GPC5: variants seen among roughly 807,000 people sequenced by gnomAD.
GPC5 encodes the protein glypican-5.
GPC5 carries 47 observed loss-of-function variants against 53.9 expected under a neutral mutation model. The ratio of observed to expected loss-of-function variants is 0.87; its 90% CI spans 0.69 to 1.11. The LOEUF is 1.11. Among genes scored for constraint, GPC5 ranks in the 50% most tolerant of loss-of-function variants. The pLI, the probability that GPC5 is intolerant of heterozygous loss-of-function variation, is 0.00. For synonymous variants in GPC5, 286 were observed against 263.3 expected (o/e 1.09, Z -0.84); for missense variants, 748 against 713.1 (o/e 1.05, Z -0.56).
At chr13:91,866,622 A>T (rs991498388) in intron 5 of GPC5, among the ~76,000 whole-genome samples, 2 of 152,168 alleles carry the variant, frequency 1.3e-5, no homozygotes, top group African/African-American at 4.8e-5. Context: ...AGCAGATACT[A>T]GTGCCATATT....
chr13:91,542,619 C>A (rs1289968148), intron 2 of GPC5, among the ~76,000 whole-genome samples: 1 of 152,158 alleles, frequency 6.6e-6, no homozygotes, highest in African/African-American at 2.4e-5. Flanking sequence ...GTCCTTGCAT[C>A]CCTCCTTAGG....
At chr13:92,209,065 A>G (rs1474247662) in intron 7 of GPC5, among the ~76,000 whole-genome samples, 2 of 152,238 alleles carry the variant, frequency 1.3e-5, no homozygotes, top group Admixed American at 6.5e-5. Context: ...TCAAATTAAC[A>G]TAGCAGAGAA....
intron 7 of GPC5, among the ~76,000 whole-genome samples, chr13:92,775,841 C>T (rs1228818453): frequency 1.3e-5 from 2 of 152,182 alleles, no homozygotes; most frequent in African/African-American, 4.8e-5. Context: ...ATAAATCATA[C>T]AGCCTGTTGT....
At chr13:92,753,997 C>T (rs1041182943) in intron 7 of GPC5, among the ~76,000 whole-genome samples, 16 of 147,474 alleles carry the variant, frequency 1.1e-4, no homozygotes, top group Non-Finnish European at 2.4e-4. Context: ...AGATACTCCT[C>T]AAGAAGAGCA....
chr13:91,398,865 T>A lies in GPC5; in HGVS notation c.-182T>A. 1 of 635,634 alleles carries A rather than the reference T, an allele frequency of 1.6e-6. No individual in the cohort carries two copies. Among genetic ancestry groups the A allele is most frequent in the Non-Finnish European group, 2.6e-6 (1 of 386,072 alleles). The allele number at this position is 635,634 out of a possible 1,614,324, so 39.4% of individuals were successfully genotyped here. On this transcript the variant is annotated 5_prime_UTR_variant, in exon 1 of 8. Transcript: ENST00000377067. ...AACTCTGGTGTCTCAGCTTAGGGCC[T>A]CCTCCGGGAAGAGCTAACTGCTCCC...
intron 7 of GPC5, among the ~76,000 whole-genome samples, chr13:92,300,251 C>T (rs1274053146): frequency 6.6e-6 from 1 of 152,042 alleles, no homozygotes; most frequent in Non-Finnish European, 1.5e-5. Flanking sequence ...AAACACACTG[C>T]ACCAATTTCT....
At chr13:92,860,670 A>G (rs1326108) in intron 7 of GPC5, among the ~76,000 whole-genome samples, 91,370 of 151,840 alleles carry the variant, frequency 0.6, 28,635 homozygotes, top group East Asian at 0.79. Flanking sequence ...TAACAGTTTA[A>G]ATTTAACATA....
chr13:91,524,229 G>A (rs76051298), intron 2 of GPC5, among the ~76,000 whole-genome samples: 1 of 152,048 alleles, frequency 6.6e-6, no homozygotes, highest in Non-Finnish European at 1.5e-5. Context: ...GTAGAGCTGG[G>A]ATTAGAACCT....
At chr13:91,594,178 C>T (rs773304090) in intron 2 of GPC5, among the ~76,000 whole-genome samples, 1 of 152,052 alleles carries the variant, frequency 6.6e-6, no homozygotes, top group Non-Finnish European at 1.5e-5. Flanking sequence ...AATGTTATGT[C>T]ATTTTATTAT....
chr13:92,850,381 CTT>C (rs1175339111), intron 7 of GPC5, among the ~76,000 whole-genome samples: 5 of 152,276 alleles, frequency 3.3e-5, no homozygotes, highest in African/African-American at 1.2e-4. Flanking sequence ...AGGCGAATGA[CTT>C]GAGGTCAGGA....
At chr13:91,740,939 A>C (rs78855351) in intron 4 of GPC5, among the ~76,000 whole-genome samples, 232 of 152,294 alleles carry the variant, frequency 1.5e-3, no homozygotes, top group Non-Finnish European at 2.5e-3. Flanking sequence ...GTAGGTAATT[A>C]GGAAAACCCC....
chr13:91,795,756 C>T (rs1177140560), intron 5 of GPC5, among the ~76,000 whole-genome samples: 4 of 152,076 alleles, frequency 2.6e-5, no homozygotes, highest in Non-Finnish European at 5.9e-5. Flanking sequence ...GTTGAACACT[C>T]ACCCCTCCTT....
rs1320089612 is a variant in GPC5, at chr13:91,506,505, C to T, written c.325+57583C>T. Among the ~76,000 whole-genome samples, 4 of 151,976 alleles carry T rather than the reference C, an allele frequency of 2.6e-5. No individual in the cohort carries two copies. In the South Asian group the frequency reaches 6.2e-4, roughly 24 times the overall value. ...ATTAATGGTATACTGCCAGATATTACAAAATTGCATAAAATTCTGAAAGCA... is the reference window on the plus strand; with the variant it reads ...ATTAATGGTATACTGCCAGATATTATAAAATTGCATAAAATTCTGAAAGCA... On this transcript the variant is annotated intron_variant, in intron 2 of 7. Transcript: ENST00000377067.
intron 6 of GPC5, among the ~76,000 whole-genome samples, chr13:92,048,962 A>G: frequency 6.6e-6 from 1 of 152,194 alleles, no homozygotes; most frequent in Admixed American, 6.5e-5. Flanking sequence ...CTTATTTGGA[A>G]CAGATTTATT....
chr13:91,647,289 G>A (rs116468769), intron 2 of GPC5, among the ~76,000 whole-genome samples: 2,157 of 152,246 alleles, frequency 0.014, 46 homozygotes, highest in African/African-American at 0.048. Context: ...CTATAGGTTA[G>A]CACTGTCATC....
At chr13:92,052,711 C>A (rs1594744922) in intron 6 of GPC5, among the ~76,000 whole-genome samples, 1 of 152,126 alleles carries the variant, frequency 6.6e-6, no homozygotes, top group East Asian at 1.9e-4. Context: ...TTTTCCAAGT[C>A]CCCACTTGAG....
intron 7 of GPC5, among the ~76,000 whole-genome samples, chr13:92,630,167 T>C (rs1222443121): frequency 1.3e-5 from 2 of 152,172 alleles, no homozygotes; most frequent in African/African-American, 2.4e-5. Context: ...ACACCCAACA[T>C]TTAATGAGCA....
At chr13:92,741,242 C>T (rs9516129) in intron 7 of GPC5, among the ~76,000 whole-genome samples, 38,293 of 150,444 alleles carry the variant, frequency 0.25, 5,110 homozygotes, top group East Asian at 0.49. Flanking sequence ...GTTTAGAAAA[C>T]CAAAATGTAA....
chr13:91,811,526 AT>A (rs1436123244), intron 5 of GPC5, among the ~76,000 whole-genome samples: 2 of 152,222 alleles, frequency 1.3e-5, no homozygotes, highest in Admixed American at 6.5e-5. Flanking sequence ...TGGTGATGTA[AT>A]TTTTTAACAG....
Sources: allele counts gnomAD v4.1 joint callset (sites outside exome capture counted in the v4.1 genomes callset), GRCh38; gene constraint gnomAD v4.1.1; transcripts MANE v1.5; gene names NCBI Gene and HGNC (gene_info 2026-07-23, HGNC 2026-07-21).